The following MAP4 variants were observed in gnomAD, a reference collection of about 807,000 sequenced individuals.
The protein encoded by MAP4 is microtubule-associated protein 4.
A neutral mutation model predicts 170.2 loss-of-function variants in MAP4; 76 were observed. That is an observed-to-expected ratio of 0.45 (90% CI 0.37 to 0.54). MAP4 has a LOEUF of 0.54. Among genes scored for constraint, MAP4 ranks in the 20% least tolerant of loss-of-function variants. The pLI is 0.00. For missense variants in MAP4, 2,506 were observed against 2,748.0 expected (o/e 0.91, Z 1.97); for synonymous variants, 909 against 994.5 (o/e 0.91, Z 1.62).
At chr3:48,028,247 G>A (rs971240788) in intron 1 of MAP4, among the ~76,000 whole-genome samples, 7 of 152,150 alleles carry the variant, frequency 4.6e-5, no homozygotes, top group South Asian at 2.1e-4. Context: ...AGCCAAAATC[G>A]CACCACTGTA....
intron 1 of MAP4, chr3:48,039,560 G>C (rs1488704421): frequency 6.6e-6 from 1 of 152,272 alleles, no homozygotes; most frequent in Non-Finnish European, 1.5e-5. Flanking sequence ...AATAAAAGTA[G>C]TTTTCAAACT....
At chr3:48,074,209 C>CAGAAAACCA (rs2100142472) in intron 1 of MAP4, among the ~76,000 whole-genome samples, 1 of 150,586 alleles carries the variant, frequency 6.6e-6, no homozygotes, top group African/African-American at 2.5e-5. Flanking sequence ...ATCACAAGGA[C>CAGAAAACCA]AGAAAACCAA....
At chr3:47,875,457 T>C (rs2095026537) in intron 12 of MAP4, among the ~76,000 whole-genome samples, 1 of 152,184 alleles carries the variant, frequency 6.6e-6, no homozygotes, top group Non-Finnish European at 1.5e-5. Context: ...CAAATTGATT[T>C]CCTTTTCTTT....
At chr3:47,960,525 T>C (rs1216903487) in intron 3 of MAP4, 1 of 165,592 alleles carries the variant, frequency 6.0e-6, no homozygotes, top group Non-Finnish European at 1.4e-5. Context: ...ATATGTTGTG[T>C]TTTTATTCTT....
At chr3:47,870,771 G>A in intron 15 of MAP4, 42 bp downstream of exon 15, 2 of 1,505,580 alleles carry the variant, frequency 1.3e-6, no homozygotes, top group Non-Finnish European at 1.8e-6. Flanking sequence ...AGGGGAAGAT[G>A]CAGGGGCCAG....
Position 47,910,131 on chromosome 3 carries a change from A to G in MAP4, c.4290T>C (p.Ser1430=). 6.2e-7 allele frequency: 1 copy of G among 1,613,920 alleles called. No homozygotes were observed. The highest frequency in any genetic ancestry group is 1.3e-5 in the African/African-American group (1 of 75,016). The part of the protein sequence containing the change: ...RTPSELINKS[S]PLEVLESAAC... ...CTGCTGATTCCAGAACCTCTAGAGG[A>G]GATGATTTATTTATCAGCTCTGATG... The change falls in exon 9 of 21, where the codon TCT becomes TCC. Residue 1430 remains serine (S), a synonymous_variant. Transcript: ENST00000683076.
At chr3:48,005,924 C>T (rs2100102070) in intron 1 of MAP4, among the ~76,000 whole-genome samples, 1 of 152,194 alleles carries the variant, frequency 6.6e-6, no homozygotes, top group African/African-American at 2.4e-5. Flanking sequence ...TAGCAGCACT[C>T]AACCATCAAA....
intron 2 of MAP4, among the ~76,000 whole-genome samples, chr3:47,978,615 G>C (rs911488832): frequency 6.6e-6 from 1 of 151,980 alleles, no homozygotes; most frequent in Admixed American, 6.6e-5. Context: ...CATGCCCAGC[G>C]GAGGCCATTT....
intron 4 of MAP4, among the ~76,000 whole-genome samples, chr3:47,923,689 G>A (rs1164998946): frequency 6.6e-6 from 1 of 151,774 alleles, no homozygotes; most frequent in Non-Finnish European, 1.5e-5. Flanking sequence ...GGTAGCGCAT[G>A]CCTGCAGTCC....
chr3:47,879,865 A>C (rs1226238941), intron 10 of MAP4, among the ~76,000 whole-genome samples: 1 of 152,186 alleles, frequency 6.6e-6, no homozygotes, highest in Non-Finnish European at 1.5e-5. Context: ...CCAGTACACT[A>C]TATTTAAAAG....
intron 2 of MAP4, among the ~76,000 whole-genome samples, chr3:47,982,167 T>TA (rs555156784): frequency 4.6e-5 from 7 of 151,908 alleles, no homozygotes; most frequent in Non-Finnish European, 1.0e-4. Flanking sequence ...AAGGGAGATT[T>TA]AAAAAAAACA....
At chr3:47,919,702 T>C (rs2100041744) in intron 5 of MAP4, among the ~76,000 whole-genome samples, 1 of 152,210 alleles carries the variant, frequency 6.6e-6, no homozygotes, top group South Asian at 2.1e-4. Context: ...AGTAGTGCCA[T>C]TAATCAACAT....
At chr3:48,068,833 A>G (rs1021318155) in intron 1 of MAP4, among the ~76,000 whole-genome samples, 2 of 152,216 alleles carry the variant, frequency 1.3e-5, no homozygotes, top group Non-Finnish European at 2.9e-5. Context: ...TAAGACATTC[A>G]TTTAAATCCA....
chr3:47,890,827 TGACCCTGCAA>T (rs1179802957), intron 10 of MAP4, among the ~76,000 whole-genome samples: 1 of 152,182 alleles, frequency 6.6e-6, no homozygotes, highest in Non-Finnish European at 1.5e-5. Flanking sequence ...ACATTCAGCT[TGACCCTGCAA>T]GATTCACTTT....
intron 1 of MAP4, among the ~76,000 whole-genome samples, chr3:48,072,007 G>A (rs900571170): frequency 1.3e-5 from 2 of 152,104 alleles, no homozygotes; most frequent in African/African-American, 4.8e-5. Context: ...GATCGCTTGA[G>A]GTCAGGAGTT....
rs1364548755 is a variant in MAP4 at position 47,872,018 on chromosome 3, T to C, written c.5840A>G (p.Lys1947Arg). ...GGTTTTTGCAACAGTCTGAGTGCTC[T>C]TGGACCCAGATCTGGAGGCTGGGGC... The part of the protein sequence containing the change: ...ASAPASRSGS[K>R]STQTVAKTTT... Residue 1947 changes from lysine (K) to arginine (R), a missense_variant, in exon 13 of 21, where the codon AAG becomes AGG. By Grantham distance (26) the Lys-to-Arg change is conservative (BLOSUM62 2). Around this residue, in one of 3 missense-constraint regions of MAP4, gnomAD observed 487 missense variants for 511.6 expected, o/e 0.95. Transcript: ENST00000683076. 1.9e-6 allele frequency: 3 copies of C among 1,614,080 alleles called. No individual in the cohort carries two copies. Among genetic ancestry groups the C allele is most frequent in the Non-Finnish European group, 2.5e-6 (3 of 1,180,002 alleles).
At chr3:47,963,121 G>C (rs2100072680) in intron 3 of MAP4, among the ~76,000 whole-genome samples, 1 of 152,114 alleles carries the variant, frequency 6.6e-6, no homozygotes, top group Non-Finnish European at 1.5e-5. Context: ...CTCCAGTTTT[G>C]TCCTCTAGAA....
chr3:47,918,841 C>T lies in MAP4; in HGVS notation c.530G>A (p.Gly177Asp), dbSNP rs772498172. Residue 177 changes from glycine (G) to aspartate (D), a missense_variant and splice_region_variant, in exon 6 of 21, where the codon GGT becomes GAT. By Grantham distance (94) the Gly-to-Asp change is moderately conservative. Around this residue, in one of 3 missense-constraint regions of MAP4, gnomAD observed 2,008 missense variants for 2,206.0 expected, o/e 0.91. Coordinates refer to ENST00000683076, the MANE Select transcript of MAP4 (RefSeq NM_001385682.1). ...AACAGCTGTGTTGCAGGGAGACATA[C>T]CTAATATTGAAACACAAACAAATAC... The part of the protein sequence containing the change: ...GQNDPLKDSY[G>D]MSPCNTAVVP... 1 of 1,610,306 alleles carries T rather than the reference C, an allele frequency of 6.2e-7. No homozygotes were observed. Among genetic ancestry groups the T allele is most frequent in the South Asian group, 1.1e-5 (1 of 90,774 alleles).
At chr3:48,076,721 A>G (rs1412087015) in intron 1 of MAP4, among the ~76,000 whole-genome samples, 1 of 152,184 alleles carries the variant, frequency 6.6e-6, no homozygotes, top group Non-Finnish European at 1.5e-5. Context: ...AAACGAATGA[A>G]AAAAACAAAC....
Sources: allele counts gnomAD v4.1 joint callset (sites outside exome capture counted in the v4.1 genomes callset), GRCh38; gene constraint gnomAD v4.1.1; regional missense constraint gnomAD v4.1.1; transcripts MANE v1.5; gene names NCBI Gene and HGNC (gene_info 2026-07-23, HGNC 2026-07-21).